Variants in SEC14L2 observed in about 807,000 individuals in gnomAD.
The protein encoded by SEC14L2 is SEC14 like lipid binding 2.
In SEC14L2, 50 loss-of-function variants were observed where a neutral mutation model predicts 56.9. The observed-to-expected ratio is 0.88, with a 90% CI of 0.70 to 1.11. SEC14L2 has a LOEUF of 1.11. SEC14L2 is among the 50% of genes most tolerant of loss of function. The probability of loss-of-function intolerance (pLI) is 0.00; values close to 1 mark genes in which losing one functional copy is unlikely to be tolerated. For synonymous variants in SEC14L2, 179 were observed against 188.5 expected (o/e 0.95, Z 0.41); for missense variants, 414 against 500.7 (o/e 0.83, Z 1.65).
intron 5 of SEC14L2, among the ~76,000 whole-genome samples, chr22:30,408,124 G>A (rs1477879829): frequency 6.7e-6 from 1 of 149,862 alleles, no homozygotes; most frequent in Non-Finnish European, 1.5e-5. Context: ...AAAAAAAGGA[G>A]TCCTTTAAAT....
At position 30,423,952 on chromosome 22, in the gene SEC14L2, T is replaced by C. The variant is rs1046275484; in HGVS notation, c.*1545T>C. On this transcript the variant is annotated 3_prime_UTR_variant, in exon 12 of 12. Transcript: ENST00000615189. ...CCAGCAGCCGTTTCACGCCAATAGA[T>C]AGGGCGCATGCGCAGAAATCCTCCT... is the stretch of plus-strand genomic sequence containing the variant. 2.0e-5 allele frequency: 3 copies of C among 152,236 alleles called. No homozygotes were observed. The highest frequency in any genetic ancestry group is 6.5e-5 in the Admixed American group (1 of 15,284). 9.4% of individuals were successfully genotyped at this position (152,236 alleles called of 1,614,324 possible). A position where few individuals can be genotyped will look rare whatever the true frequency, so the allele number is the denominator to read the frequency against.
chr22:30,397,837 G>A, intron 1 of SEC14L2: 1 of 471,118 alleles, frequency 2.1e-6, no homozygotes, highest in East Asian at 7.0e-5. Flanking sequence ...CCTGGTTCAG[G>A]ACTTAAGGTT....
chr22:30,417,550 C>T (rs537622404), intron 11 of SEC14L2, among the ~76,000 whole-genome samples: 2 of 86,490 alleles, frequency 2.3e-5, no homozygotes, highest in African/African-American at 4.5e-5. Context: ...CTTCGGTTTC[C>T]GGACTGCTAC....
chr22:30,418,140 A>G (rs1244751471), intron 11 of SEC14L2, among the ~76,000 whole-genome samples: 1 of 151,696 alleles, frequency 6.6e-6, no homozygotes, highest in African/African-American at 2.4e-5. Flanking sequence ...CTGGTCTCGA[A>G]CTCCTGGGTT....
chr22:30,414,779 A>C (rs962084623), intron 8 of SEC14L2, among the ~76,000 whole-genome samples: 1 of 151,914 alleles, frequency 6.6e-6, no homozygotes, highest in Non-Finnish European at 1.5e-5. Flanking sequence ...AAAAAAAAAA[A>C]GAGCCAAATT....
chr22:30,413,106 T>C (rs1934295970), intron 8 of SEC14L2, among the ~76,000 whole-genome samples: 3 of 152,118 alleles, frequency 2.0e-5, no homozygotes, highest in Admixed American at 2.0e-4. Flanking sequence ...TTGGGAGTTA[T>C]CAAATAACAG....
intron 6 of SEC14L2, 50 bp downstream of exon 6, chr22:30,409,332 G>A: frequency 6.3e-7 from 1 of 1,596,382 alleles, no homozygotes; most frequent in Non-Finnish European, 8.6e-7. Flanking sequence ...GGGAGGAGGA[G>A]TAGACCCCTC....
chr22:30,401,184 G>A (rs1057361155), intron 2 of SEC14L2, among the ~76,000 whole-genome samples: 1 of 137,612 alleles, frequency 7.3e-6, no homozygotes, highest in Admixed American at 7.7e-5. Flanking sequence ...CTGGTCTCAA[G>A]TGATTTATTT....
intron 2 of SEC14L2, among the ~76,000 whole-genome samples, chr22:30,402,748 T>G (rs1412064249): frequency 1.3e-5 from 2 of 151,492 alleles, no homozygotes; most frequent in East Asian, 3.9e-4. Context: ...GGGTTTTTTT[T>G]TTTTGTCCCT....
chr22:30,416,109 G>A, intron 10 of SEC14L2, 22 bp downstream of exon 10: 1 of 1,613,826 alleles, frequency 6.2e-7, no homozygotes. Context: ...GGCCCTTCCA[G>A]GAGACCCGAG....
chr22:30,397,057 C>A lies in SEC14L2; in HGVS notation c.-60C>A. On this transcript the variant is annotated 5_prime_UTR_variant, in exon 1 of 12. Coordinates refer to ENST00000615189, the MANE Select transcript of SEC14L2 (RefSeq NM_012429.5). ...TGGCGGCGAGGACGAGTCTGTGCTCCATCAGCTGCCGCACCCGCCGCCTCC... is the reference window on the plus strand; with the variant it reads ...TGGCGGCGAGGACGAGTCTGTGCTCAATCAGCTGCCGCACCCGCCGCCTCC... 6.9e-7 allele frequency: 1 copy of A among 1,444,318 alleles called. No homozygotes were observed. Among genetic ancestry groups the A allele is most frequent in the Non-Finnish European group, 9.5e-7 (1 of 1,052,414 alleles). 89.5% of individuals were successfully genotyped at this position (1,444,318 alleles called of 1,614,324 possible). A position where few individuals can be genotyped will look rare whatever the true frequency, so the allele number is the denominator to read the frequency against.
intron 1 of SEC14L2, chr22:30,397,735 T>C: frequency 2.5e-6 from 1 of 406,434 alleles, no homozygotes; most frequent in South Asian, 1.8e-5. Context: ...AACACCTCCG[T>C]GTGTGAATTC....
chr22:30,410,656 G>A lies in SEC14L2; in HGVS notation c.641G>A (p.Arg214His), dbSNP rs747881603. The stretch of plus-strand genomic sequence containing the variant: ...AAACCCTTCCTGAGTGAGGACACTC[G>A]TAAGAAGATCATGGTCCTGGGAGGT... Reference protein sequence around the residue: ...LIKPFLSEDTRKKIMVLGANW... With the variant: ...LIKPFLSEDTHKKIMVLGANW... The change falls in exon 8 of 12, where the codon CGT becomes CAT. Residue 214 changes from arginine to histidine, a missense_variant. By Grantham distance (29) the Arg-to-His change is conservative. Transcript: ENST00000615189. The A allele has an allele frequency of 1.4e-5, 22 of 1,614,040 alleles. No homozygotes were observed. The Admixed American group carries it at 1.5e-4, about 11-fold the overall frequency.
Position 30,415,853 on chromosome 22 carries a change from G to A in SEC14L2, c.759G>A (p.Lys253=). 1.2e-6 allele frequency: 2 copies of A among 1,614,194 alleles called. No individual in the cohort carries two copies. Among genetic ancestry groups the A allele is most frequent in the Non-Finnish European group, 1.7e-6 (2 of 1,180,036 alleles). ...TGACTGACCCTGATGGAAACCCCAA[G>A]TGCAAATCCAAGGTATGAGCCGCCA... ...GTMTDPDGNP[K]CKSKINYGGD... is the part of the protein sequence containing the mutation. Residue 253 remains lysine, a synonymous_variant, in exon 9 of 12, where the codon AAG becomes AAA. Transcript: ENST00000615189.
At chr22:30,412,013 T>C (rs1002613108) in intron 8 of SEC14L2, among the ~76,000 whole-genome samples, 3 of 152,038 alleles carry the variant, frequency 2.0e-5, no homozygotes, top group Admixed American at 6.6e-5. Context: ...ACAAAGACCT[T>C]ACATAGCATG....
intron 8 of SEC14L2, among the ~76,000 whole-genome samples, chr22:30,411,853 AC>A (rs1316380021): frequency 3.9e-5 from 6 of 151,990 alleles, no homozygotes; most frequent in Non-Finnish European, 7.4e-5. Flanking sequence ...AGGGGAAACC[AC>A]AAAGTGCATG....
Position 30,415,822 on chromosome 22 carries a change from G to A in SEC14L2, c.728G>A (p.Gly243Asp). ...GACCAGGTGCCTGTGGAGTATGGGGGCACCATGACTGACCCTGATGGAAAC... is the reference window on the plus strand; with the variant it reads ...GACCAGGTGCCTGTGGAGTATGGGGACACCATGACTGACCCTGATGGAAAC... ...SPDQVPVEYG[G>D]TMTDPDGNPK... The change falls in exon 9 of 12, where the codon GGC becomes GAC. Residue 243 changes from glycine (G) to aspartate (D), a missense_variant. Coordinates refer to ENST00000615189, the MANE Select transcript of SEC14L2 (RefSeq NM_012429.5). The A allele has an allele frequency of 6.2e-7, 1 of 1,614,110 alleles. No homozygotes were observed. The highest frequency in any genetic ancestry group is 1.3e-5 in the African/African-American group (1 of 75,000).
chr22:30,414,252 T>C (rs1244210748), intron 8 of SEC14L2, among the ~76,000 whole-genome samples: 1 of 152,168 alleles, frequency 6.6e-6, no homozygotes, highest in African/African-American at 2.4e-5. Context: ...AAGAGGTTTT[T>C]ATGATTTTTG....
In SEC14L2 at chr22:30,415,791, A is replaced by C. The variant is rs983787809; in HGVS notation, c.697A>C (p.Ser233Arg). ...GAAGGAGGTTTTACTGAAACATATC[A>C]GCCCTGACCAGGTGCCTGTGGAGTA... ...NWKEVLLKHISPDQVPVEYGG... is the reference protein window; with the variant it reads ...NWKEVLLKHIRPDQVPVEYGG... Residue 233 changes from serine (S) to arginine (R), a missense_variant, in exon 9 of 12, where the codon AGC (serine) becomes CGC (arginine). Physicochemically the swap from Ser to Arg is moderately radical, Grantham distance 110. Transcript: ENST00000615189. 5 of 1,614,122 alleles carry C rather than the reference A, an allele frequency of 3.1e-6. No individual in the cohort carries two copies. The highest frequency in any genetic ancestry group is 4.2e-6 in the Non-Finnish European group (5 of 1,180,022).
Sources: gnomAD v4.1 joint callset for allele counts (sites outside exome capture counted in the v4.1 genomes callset) on GRCh38, gnomAD v4.1.1 for gene constraint, MANE v1.5 for transcripts, NCBI Gene and HGNC (gene_info 2026-07-23, HGNC 2026-07-21) for gene names.